NECAB2: variants seen among roughly 807,000 people sequenced by gnomAD.
NECAB2 encodes the protein N-terminal EF-hand calcium-binding protein 2.
Under a neutral mutation model 51.9 loss-of-function variants are expected in NECAB2, and 68 were observed. The ratio of observed to expected loss-of-function variants is 1.31; its 90% CI spans 1.08 to 1.60. NECAB2 has a LOEUF of 1.60. NECAB2 is among the 40% of genes most tolerant of loss of function. NECAB2 has a pLI of 0.00. For synonymous variants in NECAB2, 329 were observed against 203.5 expected, an observed-to-expected ratio of 1.62 and a Z score of -5.25; for missense variants, 854 against 490.3, an observed-to-expected ratio of 1.74 and a Z score of -7.00.
chr16:83,998,997 G>C (rs2084766883), intron 10 of NECAB2, among the ~76,000 whole-genome samples: 1 of 152,162 alleles, frequency 6.6e-6, no homozygotes, highest in Non-Finnish European at 1.5e-5. Context: ...TCTGCAGCAA[G>C]GCTCTGCCCA....
At chr16:83,995,516 A>G (rs893068379) in intron 8 of NECAB2, among the ~76,000 whole-genome samples, 1 of 152,158 alleles carries the variant, frequency 6.6e-6, no homozygotes, top group Non-Finnish European at 1.5e-5. Flanking sequence ...CAATGTTAGC[A>G]ATTATTATGA....
At chr16:83,965,697 C>T, upstream of NECAB2, 1 of 1,613,662 alleles carries the variant, frequency 6.2e-7, no homozygotes, top group Non-Finnish European at 8.5e-7. Flanking sequence ...GACTGCCAGG[C>T]CGTGTTCCAG....
chr16:83,965,618 A>G (rs1242262502), upstream of NECAB2: 6 of 1,613,056 alleles, frequency 3.7e-6, no homozygotes, highest in African/African-American at 1.3e-5. Context: ...GGAGCAGTCC[A>G]TCCTGTCGCC....
chr16:83,994,058 C>T (rs1041873551), intron 6 of NECAB2, among the ~76,000 whole-genome samples: 2 of 152,150 alleles, frequency 1.3e-5, no homozygotes, highest in Admixed American at 6.6e-5. Context: ...AGGCCTAGGC[C>T]GTGGGGTCCT....
intron 10 of NECAB2, among the ~76,000 whole-genome samples, chr16:84,000,062 T>A (rs201628171): frequency 0.077 from 10,299 of 134,490 alleles, 1,072 homozygotes; most frequent in African/African-American, 0.31. Context: ...AGTTTTATTT[T>A]TTTTTTTTTT....
intron 2 of NECAB2, among the ~76,000 whole-genome samples, 182 bp downstream of exon 2, chr16:83,972,357 G>A (rs904972216): frequency 5.9e-5 from 9 of 152,174 alleles, no homozygotes; most frequent in African/African-American, 1.4e-4. Context: ...TCTGTAAAAC[G>A]GGAATCCTAG....
chr16:83,991,372 T>TC (rs1248678839), intron 6 of NECAB2, among the ~76,000 whole-genome samples: 4 of 147,158 alleles, frequency 2.7e-5, no homozygotes, highest in East Asian at 3.9e-4. Flanking sequence ...TCTTTTCTTT[T>TC]TTTTTTTTTT....
At chr16:83,994,787 GC>G (rs2084673988) in intron 8 of NECAB2, 99 bp downstream of exon 8, 1 of 1,347,852 alleles carries the variant, frequency 7.4e-7, no homozygotes, top group Non-Finnish European at 1.0e-6. Context: ...CTGCAGAGGG[GC>G]CAGGGAACCA....
chr16:83,984,825 G>C (rs1336149173), intron 5 of NECAB2, among the ~76,000 whole-genome samples: 1 of 152,122 alleles, frequency 6.6e-6, no homozygotes, highest in Non-Finnish European at 1.5e-5. Flanking sequence ...AGTTTTGCCT[G>C]TTTTAATTAG....
rs568597533 is a variant in NECAB2, at chr16:83,976,794, G to C, written c.227-1650G>C. On this transcript the variant is annotated intron_variant, in intron 2 of 12. Transcript: ENST00000305202. The stretch of plus-strand genomic sequence containing the variant: ...ATACTTTATGCTCTATGGGGTTAAA[G>C]AGAAAAGTGGTGGCATGAAACCTTG... Among the ~76,000 whole-genome samples, 5 of 152,318 alleles carry C rather than the reference G, an allele frequency of 3.3e-5. No individual in the cohort carries two copies. The South Asian group carries it at 1.0e-3, about 32-fold the overall frequency.
chr16:83,998,112 T>G, intron 9 of NECAB2, 93 bp from the exon 10 acceptor site: 1 of 1,093,518 alleles, frequency 9.1e-7, no homozygotes, highest in South Asian at 1.4e-5. Flanking sequence ...TATTTTATTT[T>G]GACCGAGGAA....
At position 84,000,748 on chromosome 16, in the gene NECAB2, T is replaced by C. The variant is rs752428596; in HGVS notation, c.987T>C (p.Asp329=). Reference sequence around the variant, plus strand: ...GCATCACTGCCGTGAGGCTCTCAGATGGCTTCACCTTTGTCATCTATGAGT... The same window carrying C: ...GCATCACTGCCGTGAGGCTCTCAGACGGCTTCACCTTTGTCATCTATGAGT... ...CFHITAVRLS[D]GFTFVIYEFW... The change falls in exon 11 of 13, where the codon GAT becomes GAC. Residue 329 remains aspartate (D), a synonymous_variant. Transcript: ENST00000305202. The C allele has an allele frequency of 1.2e-6, 2 of 1,613,892 alleles. No individual in the cohort carries two copies. Among genetic ancestry groups the C allele is most frequent in the African/African-American group, 1.3e-5 (1 of 75,040 alleles).
intron 11 of NECAB2, among the ~76,000 whole-genome samples, chr16:84,001,231 A>G (rs2084826652): frequency 6.6e-6 from 1 of 151,730 alleles, no homozygotes; most frequent in Admixed American, 6.6e-5. Flanking sequence ...GTAGGGTGTC[A>G]GCAGCTCTGA....
At chr16:83,983,404 G>A (rs752372795) in intron 5 of NECAB2, among the ~76,000 whole-genome samples, 2 of 152,220 alleles carry the variant, frequency 1.3e-5, no homozygotes, top group Admixed American at 6.5e-5. Flanking sequence ...ATGCTTGTTT[G>A]GCTCCTGATT....
intron 2 of NECAB2, among the ~76,000 whole-genome samples, chr16:83,976,018 C>T (rs1440200969): frequency 6.6e-6 from 1 of 152,032 alleles, no homozygotes; most frequent in East Asian, 1.9e-4. Flanking sequence ...GCCTGCTCTC[C>T]CTGTGTGCCG....
chr16:83,994,551 C>A (rs968870089), intron 7 of NECAB2, 58 bp from the exon 8 acceptor site: 2 of 1,607,766 alleles, frequency 1.2e-6, no homozygotes, highest in Non-Finnish European at 1.7e-6. Flanking sequence ...TCCAGCTTCC[C>A]CCCGAAGCCC....
intron 2 of NECAB2, among the ~76,000 whole-genome samples, chr16:83,976,207 C>T (rs2084408184): frequency 6.6e-6 from 1 of 152,194 alleles, no homozygotes; most frequent in Non-Finnish European, 1.5e-5. Flanking sequence ...CCTGAGCCAG[C>T]ACCCACCCCC....
At chr16:83,971,250 C>T (rs1043910559) in intron 1 of NECAB2, among the ~76,000 whole-genome samples, 5 of 152,150 alleles carry the variant, frequency 3.3e-5, no homozygotes, top group South Asian at 2.1e-4. Context: ...AAGGTCTTAG[C>T]GCACAGGTGT....
intron 2 of NECAB2, among the ~76,000 whole-genome samples, chr16:83,976,989 C>T (rs1479896134): frequency 6.6e-6 from 1 of 152,250 alleles, no homozygotes; most frequent in Non-Finnish European, 1.5e-5. Context: ...TTGTGCGCTG[C>T]ACAAGGGCAC....
Sources: gnomAD v4.1 joint callset for allele counts (sites outside exome capture counted in the v4.1 genomes callset) on GRCh38, gnomAD v4.1.1 for gene constraint, MANE v1.5 for transcripts, NCBI Gene and HGNC (gene_info 2026-07-23, HGNC 2026-07-21) for gene names.